ZC2HC1B: variants seen among roughly 807,000 people sequenced by gnomAD.
ZC2HC1B encodes zinc finger C2HC domain-containing protein 1B.
Under a neutral mutation model 31.0 loss-of-function variants are expected in ZC2HC1B, and 36 were observed. That is an observed-to-expected ratio of 1.16 (90% CI 0.89 to 1.54). The LOEUF is 1.54. ZC2HC1B is among the 40% of genes most tolerant of loss of function. ZC2HC1B has a pLI of 0.00. For missense variants in ZC2HC1B, 260 were observed against 268.6 expected, an observed-to-expected ratio of 0.97 and a Z score of 0.22; for synonymous variants, 73 against 88.0, an observed-to-expected ratio of 0.83 and a Z score of 0.95.
At chr6:143,880,152 A>T (rs1185984363) in intron 1 of ZC2HC1B, among the ~76,000 whole-genome samples, 2 of 152,042 alleles carry the variant, frequency 1.3e-5, no homozygotes, top group Non-Finnish European at 2.9e-5. Context: ...GATGTGTTAA[A>T]CAAAGCTTTA....
rs1167822389 is a variant in ZC2HC1B at position 143,922,700 on chromosome 6, A to G, written c.599-14949A>G. Reference sequence around the variant, plus strand: ...CTGAATAGTATTCCACTGAGTATATATACCACATTTTCTTTTTTTCAAATT... The same window carrying G: ...CTGAATAGTATTCCACTGAGTATATGTACCACATTTTCTTTTTTTCAAATT... On this transcript the variant is annotated intron_variant, in intron 6 of 7. Coordinates refer to ENST00000237275, the MANE Select transcript of ZC2HC1B (RefSeq NM_001013623.3). The surrounding 1 kb of genome is among the most constrained non-coding windows in gnomAD (Gnocchi z 5.0). Among the ~76,000 whole-genome samples, 2 of 152,156 alleles carry G rather than the reference A, an allele frequency of 1.3e-5. No homozygotes were observed. The highest frequency in any genetic ancestry group is 4.8e-5 in the African/African-American group (2 of 41,444).
rs1461031321 is a variant in ZC2HC1B at position 143,869,600 on chromosome 6, C to T, written c.28+5033C>T. 6.6e-6 allele frequency among the ~76,000 whole-genome samples: 1 copy of T among 152,194 alleles called. No individual in the cohort carries two copies. Among genetic ancestry groups the T allele is most frequent in the Non-Finnish European group, 1.5e-5 (1 of 68,032 alleles). On this transcript the variant is annotated intron_variant, in intron 1 of 7. Coordinates refer to ENST00000237275, the MANE Select transcript of ZC2HC1B (RefSeq NM_001013623.3). The surrounding 1 kb of genome is among the most constrained non-coding windows in gnomAD (Gnocchi z 5.2). ...AAGCATTGCATGGAGGATAGGCAAA[C>T]CCATATCCAGAGTGAGTGTTTATTC...
In ZC2HC1B at chr6:143,869,087, C is replaced by T. The variant is rs1468371091; in HGVS notation, c.28+4520C>T. ...TTCCCTTTTTCTTCAGCAAGCACCT[C>T]AGCAGGTCATGGTTTTTTCCTGGTG... On this transcript the variant is annotated intron_variant, in intron 1 of 7. Transcript: ENST00000237275. The surrounding 1 kb of genome is among the most constrained non-coding windows in gnomAD (Gnocchi z 5.2). 6.6e-6 allele frequency among the ~76,000 whole-genome samples: 1 copy of T among 152,194 alleles called. No individual in the cohort carries two copies. Among genetic ancestry groups the T allele is most frequent in the Non-Finnish European group, 1.5e-5 (1 of 68,040 alleles).
chr6:143,879,717 G>A (rs1362960425), intron 1 of ZC2HC1B, among the ~76,000 whole-genome samples: 1 of 149,594 alleles, frequency 6.7e-6, no homozygotes, highest in Non-Finnish European at 1.5e-5. Context: ...CTGGTCAAAA[G>A]TAAAGTAAAA....
At position 143,872,338 on chromosome 6, in the gene ZC2HC1B, A is replaced by G. The variant is rs78092924; in HGVS notation, c.28+7771A>G. Among the ~76,000 whole-genome samples the G allele has an allele frequency of 6.5e-3, 993 of 152,258 alleles. 11 individuals are homozygous for G. Among genetic ancestry groups the G allele is most frequent in the African/African-American group, 0.023 (957 of 41,534 alleles). On this transcript the variant is annotated intron_variant, in intron 1 of 7. Coordinates refer to ENST00000237275, the MANE Select transcript of ZC2HC1B (RefSeq NM_001013623.3). This position sits in a 1 kb window ranked among gnomAD's most constrained non-coding sequence, Gnocchi z 5.5. Reference sequence around the variant, plus strand: ...TATATAAATTAAGTAAAAATACAGTAGGCTTCCTTTCAGTTTCACTTCTAG... The same window carrying G: ...TATATAAATTAAGTAAAAATACAGTGGGCTTCCTTTCAGTTTCACTTCTAG...
At chr6:143,874,005 T>C (rs149780051) in intron 1 of ZC2HC1B, among the ~76,000 whole-genome samples, 97 of 152,358 alleles carry the variant, frequency 6.4e-4, no homozygotes, top group African/African-American at 2.3e-3. Flanking sequence ...TTGCAAATTT[T>C]CTGAACTTTT....
At chr6:143,929,770 T>C (rs1778096471) in intron 6 of ZC2HC1B, among the ~76,000 whole-genome samples, 1 of 152,200 alleles carries the variant, frequency 6.6e-6, no homozygotes, top group Non-Finnish European at 1.5e-5. Context: ...TCTCACTACT[T>C]ATTATTGTTC....
At chr6:143,875,874 G>A (rs188913203) in intron 1 of ZC2HC1B, among the ~76,000 whole-genome samples, 6 of 150,722 alleles carry the variant, frequency 4.0e-5, no homozygotes, top group African/African-American at 1.5e-4. Context: ...AGCACGGGTC[G>A]GAGAAGGGAT....
rs1256316768 is a variant in ZC2HC1B, at chr6:143,924,322, G to T, written c.599-13327G>T. On this transcript the variant is annotated intron_variant, in intron 6 of 7. Coordinates refer to ENST00000237275, the MANE Select transcript of ZC2HC1B (RefSeq NM_001013623.3). The surrounding 1 kb of genome is among the most constrained non-coding windows in gnomAD (Gnocchi z 5.2). Reference sequence around the variant, plus strand: ...ATTTTACTAAATTCATTTATTCTAGGAGTGTTTTTGGTGGAGTCTTTAGGT... The same window carrying T: ...ATTTTACTAAATTCATTTATTCTAGTAGTGTTTTTGGTGGAGTCTTTAGGT... Among the ~76,000 whole-genome samples the T allele has an allele frequency of 1.3e-5, 2 of 151,010 alleles. No individual in the cohort carries two copies. Among genetic ancestry groups the T allele is most frequent in the African/African-American group, 4.9e-5 (2 of 41,160 alleles).
chr6:143,920,720 CA>C (rs1777976690), intron 6 of ZC2HC1B, among the ~76,000 whole-genome samples: 1 of 151,890 alleles, frequency 6.6e-6, no homozygotes, highest in Non-Finnish European at 1.5e-5. Context: ...CCATCCTGGC[CA>C]ACATGGTGAA....
rs7774195 is a variant in ZC2HC1B at position 143,934,358 on chromosome 6, T to A, written c.599-3291T>A. Among the ~76,000 whole-genome samples the A allele has an allele frequency of 0.64, 97,854 of 152,080 alleles. 31,958 individuals carry two copies. The highest frequency in any genetic ancestry group is 0.78 in the South Asian group (3,752 of 4,814). ...TTCTGTCCATCCAAGTGGGAGCTACTTATCAGCCCTGTCCCCTATCTGCCA... is the reference window on the plus strand; with the variant it reads ...TTCTGTCCATCCAAGTGGGAGCTACATATCAGCCCTGTCCCCTATCTGCCA... On this transcript the variant is annotated intron_variant, in intron 6 of 7. Transcript: ENST00000237275. The surrounding 1 kb of genome is among the most constrained non-coding windows in gnomAD (Gnocchi z 4.6).
rs759834182 is a variant in ZC2HC1B, at chr6:143,884,339, G to C, written c.64G>C (p.Gly22Arg). ...NQELFPCEVC[G>R]RRFAADVLER... ...GGAATTGTTTCCCTGTGAAGTCTGT[G>C]GAAGACGTTTTGCAGCAGATGTTCT... is the stretch of plus-strand genomic sequence containing the variant. Residue 22 changes from glycine (G) to arginine (R), a missense_variant, in exon 2 of 8, where the codon GGA becomes CGA. Physicochemically the swap from Gly to Arg is moderately radical, Grantham distance 125. Transcript: ENST00000237275. This position sits in a 1 kb window ranked among gnomAD's most constrained non-coding sequence, Gnocchi z 5.1. 6.5e-7 allele frequency: 1 copy of C among 1,534,194 alleles called. No individual in the cohort carries two copies. Among genetic ancestry groups the C allele is most frequent in the Admixed American group, 2.0e-5 (1 of 50,582 alleles).
chr6:143,890,341 A>G (rs1022519948), intron 4 of ZC2HC1B, among the ~76,000 whole-genome samples: 4 of 151,886 alleles, frequency 2.6e-5, no homozygotes, highest in South Asian at 4.2e-4. Flanking sequence ...GATCATCTCA[A>G]TAGAGAAAAA....
rs1374167969 is a variant in ZC2HC1B, at chr6:143,872,884, G to T, written c.28+8317G>T. On this transcript the variant is annotated intron_variant, in intron 1 of 7. Transcript: ENST00000237275. This position sits in a 1 kb window ranked among gnomAD's most constrained non-coding sequence, Gnocchi z 5.5. ...AAAATTCAAGTGGAGATTTGGGTAG[G>T]GACACAACCAAACCATATCATTCTG... Among the ~76,000 whole-genome samples, 1 of 151,994 alleles carries T rather than the reference G, an allele frequency of 6.6e-6. No homozygotes were observed. Among genetic ancestry groups the T allele is most frequent in the East Asian group, 1.9e-4 (1 of 5,178 alleles).
chr6:143,871,486 G>A lies in ZC2HC1B; in HGVS notation c.28+6919G>A, dbSNP rs1777335868. Among the ~76,000 whole-genome samples, 1 of 152,210 alleles carries A rather than the reference G, an allele frequency of 6.6e-6. No homozygotes were observed. Among genetic ancestry groups the A allele is most frequent in the South Asian group, 2.1e-4 (1 of 4,828 alleles). On this transcript the variant is annotated intron_variant, in intron 1 of 7. Transcript: ENST00000237275. This position sits in a 1 kb window ranked among gnomAD's most constrained non-coding sequence, Gnocchi z 4.1. ...GGCTGCATACCAGGTACCAAGAAAT[G>A]TGTTAATTGGCTCAAACAATGAAAC...
intron 4 of ZC2HC1B, among the ~76,000 whole-genome samples, chr6:143,889,078 C>T (rs1777566134): frequency 1.3e-5 from 2 of 151,782 alleles, no homozygotes; most frequent in Admixed American, 6.6e-5. Flanking sequence ...AAAACAATAG[C>T]ACAAGGTTGA....
rs1317884859 is a variant in ZC2HC1B, at chr6:143,911,602, C to A, written c.598+8450C>A. Among the ~76,000 whole-genome samples the A allele has an allele frequency of 6.6e-6, 1 of 152,144 alleles. No individual in the cohort carries two copies. Among genetic ancestry groups the A allele is most frequent in the Admixed American group, 6.5e-5 (1 of 15,268 alleles). ...AGAATGTTGAATTTTGGCCCCCAGT[C>A]TCTTCTACCTTCTAGGGTTTCCACT... On this transcript the variant is annotated intron_variant, in intron 6 of 7. Coordinates refer to ENST00000237275, the MANE Select transcript of ZC2HC1B (RefSeq NM_001013623.3). The surrounding 1 kb of genome is among the most constrained non-coding windows in gnomAD (Gnocchi z 4.5).
chr6:143,925,726 A>G (rs1156662658), intron 6 of ZC2HC1B, among the ~76,000 whole-genome samples: 2 of 151,298 alleles, frequency 1.3e-5, no homozygotes, highest in Non-Finnish European at 2.9e-5. Context: ...TTTAGTAGAG[A>G]TGGGGTTTCT....
At chr6:143,914,419 G>A (rs897859955) in intron 6 of ZC2HC1B, among the ~76,000 whole-genome samples, 6 of 152,070 alleles carry the variant, frequency 3.9e-5, no homozygotes, top group Admixed American at 6.5e-5. Context: ...TTATCTCACC[G>A]TGGTTGGAGA....
Sources: gnomAD v4.1 joint callset for allele counts (sites outside exome capture counted in the v4.1 genomes callset) on GRCh38, gnomAD v4.1.1 for gene constraint, Gnocchi (gnomAD v3.1) non-coding constraint, MANE v1.5 for transcripts, NCBI Gene and HGNC (gene_info 2026-07-23, HGNC 2026-07-21) for gene names.